NRXN3: variants seen among roughly 807,000 people sequenced by gnomAD.
NRXN3 encodes neurexin III.
Under a neutral mutation model 137.6 loss-of-function variants are expected in NRXN3, and 32 were observed. The observed-to-expected ratio is 0.23, with a 90% CI of 0.18 to 0.31. The LOEUF (loss-of-function observed/expected upper bound fraction) is 0.31, where lower values mean the gene tolerates loss of function less well. Ranked by LOEUF, NRXN3 falls within the 10% of genes least tolerant of loss-of-function variation. NRXN3 has a pLI of 1.00. For missense variants in NRXN3, 1,574 were observed against 2,062.5 expected, an observed-to-expected ratio of 0.76 and a Z score of 4.59; for synonymous variants, 798 against 784.5, an observed-to-expected ratio of 1.02 and a Z score of -0.29.
At chr14:78,428,724 A>T (rs1299829140) in intron 4 of NRXN3, among the ~76,000 whole-genome samples, 2 of 152,182 alleles carry the variant, frequency 1.3e-5, no homozygotes, top group Non-Finnish European at 2.9e-5. Flanking sequence ...AGATTGAGGA[A>T]GAGCCAGTGT....
At chr14:78,473,401 CA>C (rs34856071) in intron 4 of NRXN3, among the ~76,000 whole-genome samples, 39,939 of 117,478 alleles carry the variant, frequency 0.34, 5,168 homozygotes, top group South Asian at 0.39. Flanking sequence ...GACTCTGTCT[CA>C]AAAAAAAAAA....
chr14:78,587,841 C>T (rs1376539561), intron 4 of NRXN3, among the ~76,000 whole-genome samples: 1 of 151,942 alleles, frequency 6.6e-6, no homozygotes. Context: ...GTGTTGTTTA[C>T]CAGTTTTTTT....
intron 16 of NRXN3, among the ~76,000 whole-genome samples, chr14:79,506,919 T>G (rs1385794036): frequency 2.0e-5 from 3 of 152,160 alleles, no homozygotes; most frequent in African/African-American, 7.2e-5. Flanking sequence ...TATGGAAAGA[T>G]CTTTCCTGCC....
chr14:78,901,701 T>A (rs2099196986), intron 10 of NRXN3, among the ~76,000 whole-genome samples: 1 of 152,030 alleles, frequency 6.6e-6, no homozygotes, highest in Admixed American at 6.6e-5. Context: ...TTTCCTTCCT[T>A]GCTTCAGACC....
intron 15 of NRXN3, among the ~76,000 whole-genome samples, chr14:79,042,416 T>A (rs1474137062): frequency 6.6e-6 from 1 of 152,176 alleles, no homozygotes; most frequent in Non-Finnish European, 1.5e-5. Flanking sequence ...ACCTTAGAGA[T>A]GAGAAAACTG....
At chr14:79,683,228 T>A (rs2098679498) in intron 17 of NRXN3, among the ~76,000 whole-genome samples, 1 of 152,172 alleles carries the variant, frequency 6.6e-6, no homozygotes, top group South Asian at 2.1e-4. Flanking sequence ...AACTCGGGAC[T>A]GATATATAAA....
At chr14:79,226,740 A>T (rs1461331356) in intron 15 of NRXN3, among the ~76,000 whole-genome samples, 2 of 151,178 alleles carry the variant, frequency 1.3e-5, no homozygotes, top group African/African-American at 4.9e-5. Flanking sequence ...ATGTGGACAC[A>T]TACTCATTTT....
At chr14:79,061,369 A>G (rs539013607) in intron 15 of NRXN3, among the ~76,000 whole-genome samples, 15 of 152,334 alleles carry the variant, frequency 9.8e-5, no homozygotes, top group Middle Eastern at 3.4e-3. Context: ...TCAGGAAGAG[A>G]TCGTCTGAGA....
At chr14:79,049,504 A>G (rs1398043045) in intron 15 of NRXN3, among the ~76,000 whole-genome samples, 1 of 152,172 alleles carries the variant, frequency 6.6e-6, no homozygotes, top group Non-Finnish European at 1.5e-5. Flanking sequence ...AAAGCCATCT[A>G]CGGGGGTTGA....
chr14:78,661,193 CAGAGA>C (rs2097838475), intron 6 of NRXN3, among the ~76,000 whole-genome samples: 1 of 152,070 alleles, frequency 6.6e-6, no homozygotes, highest in Non-Finnish European at 1.5e-5. Flanking sequence ...GAGCCCATAG[CAGAGA>C]AAAGAGTGAT....
chr14:79,109,881 G>A (rs1013133072), intron 15 of NRXN3, among the ~76,000 whole-genome samples: 2 of 151,912 alleles, frequency 1.3e-5, no homozygotes, highest in African/African-American at 2.4e-5. Flanking sequence ...ATCTCTATGA[G>A]GCTGTAGTTT....
intron 4 of NRXN3, among the ~76,000 whole-genome samples, chr14:78,644,522 C>A (rs2097667605): frequency 6.6e-6 from 1 of 152,174 alleles, no homozygotes; most frequent in Non-Finnish European, 1.5e-5. Context: ...TTCTCTTCCC[C>A]TCTCCTTACC....
intron 15 of NRXN3, among the ~76,000 whole-genome samples, chr14:79,175,843 C>T (rs1393340101): frequency 2.0e-5 from 3 of 152,182 alleles, no homozygotes; most frequent in East Asian, 1.9e-4. Flanking sequence ...CAGCACTTCT[C>T]TGTTTCCTGG....
chr14:79,481,417 A>G (rs758754336), intron 16 of NRXN3, among the ~76,000 whole-genome samples: 1 of 152,176 alleles, frequency 6.6e-6, no homozygotes, highest in Non-Finnish European at 1.5e-5. Context: ...CATAGAGTGT[A>G]CTTACACAAA....
At chr14:78,273,487 A>G (rs2073103896) in intron 2 of NRXN3, among the ~76,000 whole-genome samples, 1 of 152,176 alleles carries the variant, frequency 6.6e-6, no homozygotes, top group Non-Finnish European at 1.5e-5. Context: ...AGGAAGGCAG[A>G]CAGACACAGA....
chr14:78,433,205 G>A (rs1167960057), intron 4 of NRXN3, among the ~76,000 whole-genome samples: 2 of 152,074 alleles, frequency 1.3e-5, no homozygotes, highest in African/African-American at 4.8e-5. Flanking sequence ...CTTGTTGTCA[G>A]CCAAGAGCTA....
At chr14:78,346,885 G>A (rs953056695) in intron 4 of NRXN3, among the ~76,000 whole-genome samples, 5 of 152,150 alleles carry the variant, frequency 3.3e-5, no homozygotes, top group African/African-American at 9.7e-5. Flanking sequence ...TCCACTAAAT[G>A]TGGAAAGAAA....
At chr14:78,830,549 T>G (rs911353169) in intron 10 of NRXN3, among the ~76,000 whole-genome samples, 5 of 151,984 alleles carry the variant, frequency 3.3e-5, no homozygotes, top group African/African-American at 1.2e-4. Context: ...ATTACAGGGG[T>G]TTTTACTCTT....
chr14:79,052,819 G>C, intron 15 of NRXN3, among the ~76,000 whole-genome samples: 1 of 152,204 alleles, frequency 6.6e-6, no homozygotes, highest in East Asian at 1.9e-4. Flanking sequence ...CATATCTGCA[G>C]TGTTTTCTGG....
Sources: allele counts gnomAD v4.1 joint callset (sites outside exome capture counted in the v4.1 genomes callset), GRCh38; gene constraint gnomAD v4.1.1; transcripts MANE v1.5; gene names NCBI Gene and HGNC (gene_info 2026-07-23, HGNC 2026-07-21).